Variants in ANK2 observed in about 807,000 individuals in gnomAD.
The protein encoded by ANK2 is ankyrin-2.
ANK2 carries 83 observed loss-of-function variants against 360.5 expected under a neutral mutation model. That is an observed-to-expected ratio of 0.23 (90% confidence interval 0.19 to 0.28). The LOEUF is 0.28. ANK2 is among the 10% of genes least tolerant of loss of function. The pLI is 1.00. For synonymous variants in ANK2, 1,740 were observed against 1,759.5 expected (o/e 0.99, Z 0.28); for missense variants, 4,201 against 4,795.7 (o/e 0.88, Z 3.66).
rs149283595 is a variant in ANK2, at chr4:113,146,070, T to C, written c.85-28346T>C. On this transcript the variant is annotated intron_variant, in intron 1 of 45. Transcript: ENST00000357077. The stretch of plus-strand genomic sequence containing the variant: ...GCATAAGAATCAACAGTAGACCTCA[T>C]TGGTCAGACCTCTAAACTTCCTGGA... 29 of 1,278,144 alleles carry C rather than the reference T, an allele frequency of 2.3e-5. 1 individual carries two copies. The East Asian group carries it at 1.5e-3, about 66-fold the overall frequency. 79.2% of individuals were successfully genotyped at this position (1,278,144 alleles called of 1,614,324 possible). A position where few individuals can be genotyped will look rare whatever the true frequency, so the allele number is the denominator to read the frequency against.
At chr4:113,266,579 A>C (rs2056143350) in intron 14 of ANK2, among the ~76,000 whole-genome samples, 1 of 152,214 alleles carries the variant, frequency 6.6e-6, no homozygotes, top group Non-Finnish European at 1.5e-5. Flanking sequence ...CTAACAGTGT[A>C]AAAGTGTTCC....
chr4:113,361,966 A>G (rs1052960628), intron 39 of ANK2, among the ~76,000 whole-genome samples: 5 of 152,192 alleles, frequency 3.3e-5, no homozygotes, highest in East Asian at 1.9e-4. Context: ...ACCTACTTCT[A>G]TCTTCTAGCC....
chr4:112,788,674 T>C, the ANK2 span: 264 of 1,600,824 alleles, frequency 1.6e-4, 1 homozygote, highest in Admixed American at 3.8e-4. Flanking sequence ...TTATAGAGGA[T>C]GGCTCTCTGC....
Position 112,850,668 on chromosome 4 carries a change from C to G in ANK2, c.-40+32404C>G, listed in dbSNP as rs189520714. Among the ~76,000 whole-genome samples, 937 of 151,210 alleles carry G rather than the reference C, an allele frequency of 6.2e-3. 3 individuals carry two copies. Among genetic ancestry groups the G allele is most frequent in the Non-Finnish European group, 9.7e-3 (656 of 67,792 alleles). ...AGTAGATGGGACTACAGGTGCCCAC[C>G]ACCACGCCCAGCTAATTTTTTGTAT... On this transcript the variant is annotated intron_variant, in intron 1 of 30. Coordinates refer to the ANK2 transcript ENST00000503271.
At chr4:113,370,056 A>T (rs1266330234) in intron 43 of ANK2, among the ~76,000 whole-genome samples, 2 of 152,206 alleles carry the variant, frequency 1.3e-5, no homozygotes, top group African/African-American at 2.4e-5. Context: ...GTCTTTTGCT[A>T]AGAAAAATGA....
chr4:112,975,187 G>A (rs1215032272), intron 2 of ANK2, among the ~76,000 whole-genome samples: 1 of 152,114 alleles, frequency 6.6e-6, no homozygotes, highest in Non-Finnish European at 1.5e-5. Context: ...GGAATATACT[G>A]CTTAGGAACT....
chr4:112,877,537 A>G (rs1223629049), intron 1 of ANK2, among the ~76,000 whole-genome samples: 1 of 152,188 alleles, frequency 6.6e-6, no homozygotes, highest in African/African-American at 2.4e-5. Context: ...TTTCTTGCTC[A>G]GTCAAGCTTC....
intron 26 of ANK2, among the ~76,000 whole-genome samples, chr4:113,324,979 T>C (rs2088944406): frequency 6.6e-6 from 1 of 152,192 alleles, no homozygotes; most frequent in South Asian, 2.1e-4. Context: ...ATGTACTGTT[T>C]AGCTAATCAA....
At chr4:113,342,823 T>C (rs1174207922) in intron 33 of ANK2, among the ~76,000 whole-genome samples, 194 bp from the exon 34 acceptor site, 1 of 152,222 alleles carries the variant, frequency 6.6e-6, no homozygotes, top group Admixed American at 6.5e-5. Context: ...GCATTAAAGA[T>C]TCCCATTACT....
At chr4:112,947,025 A>G (rs1474742633) in intron 2 of ANK2, among the ~76,000 whole-genome samples, 1 of 152,198 alleles carries the variant, frequency 6.6e-6, no homozygotes, top group Non-Finnish European at 1.5e-5. Context: ...TGATGCAGAA[A>G]CAACAAATCA....
At position 113,354,019 on chromosome 4, in the gene ANK2, A is replaced by G; in HGVS notation, c.5401A>G (p.Thr1801Ala). 6.2e-7 allele frequency: 1 copy of G among 1,614,056 alleles called. No individual in the cohort carries two copies. The highest frequency in any genetic ancestry group is 1.1e-5 in the South Asian group (1 of 91,086). The stretch of plus-strand genomic sequence containing the variant: ...AGGCAAGGAGGACGTGCCAAAAAAG[A>G]CCACCCACAGGCCACATCCAGCTGC... ...VKGKEDVPKK[T>A]THRPHPAASP... Residue 1801 changes from threonine to alanine, a missense_variant, in exon 38 of 46, where the codon ACC (threonine) becomes GCC (alanine). Transcript: ENST00000357077.
intron 2 of ANK2, among the ~76,000 whole-genome samples, chr4:113,041,630 C>T (rs1376627398): frequency 6.6e-6 from 1 of 152,152 alleles, no homozygotes; most frequent in Non-Finnish European, 1.5e-5. Flanking sequence ...GGCCATCTTA[C>T]TACATGGTTC....
At chr4:112,872,566 A>C (rs1014847337) in intron 1 of ANK2, among the ~76,000 whole-genome samples, 1 of 151,892 alleles carries the variant, frequency 6.6e-6, no homozygotes, top group African/African-American at 2.4e-5. Flanking sequence ...CGAACCCCCA[A>C]CCTCAGGTGA....
chr4:113,134,305 T>C (rs1468138874), intron 1 of ANK2, among the ~76,000 whole-genome samples: 6 of 103,452 alleles, frequency 5.8e-5, no homozygotes, highest in Admixed American at 3.4e-4. Flanking sequence ...TTTTTTTTTT[T>C]CTCACTGCAA....
At chr4:113,187,250 TA>T in intron 2 of ANK2, among the ~76,000 whole-genome samples, 1 of 152,100 alleles carries the variant, frequency 6.6e-6, no homozygotes, top group South Asian at 2.1e-4. Context: ...CTTTGAGGAA[TA>T]AAGGAAGACA....
the ANK2 span, among the ~76,000 whole-genome samples, chr4:112,753,974 T>G: frequency 1.3e-5 from 2 of 151,630 alleles, no homozygotes; most frequent in Non-Finnish European, 2.9e-5. Context: ...GGCACATGCC[T>G]GTAATCCCAG....
intron 2 of ANK2, among the ~76,000 whole-genome samples, chr4:113,019,049 A>G (rs1020692623): frequency 6.6e-6 from 1 of 152,154 alleles, no homozygotes; most frequent in African/African-American, 2.4e-5. Context: ...TAAGATTTTA[A>G]TGCTTTTATT....
the ANK2 span, among the ~76,000 whole-genome samples, chr4:112,779,710 C>G: frequency 1.3e-5 from 2 of 152,112 alleles, no homozygotes; most frequent in Non-Finnish European, 2.9e-5. Context: ...GTTTTATGGA[C>G]GCATTCACAC....
chr4:113,198,872 C>T (rs191138130), intron 3 of ANK2, 139 bp from the exon 4 acceptor site: 17 of 700,830 alleles, frequency 2.4e-5, no homozygotes, highest in Admixed American at 2.3e-4. Context: ...ATAATCTCTT[C>T]GTAAGTGGGC....
Sources: gnomAD v4.1 joint callset for allele counts (sites outside exome capture counted in the v4.1 genomes callset) on GRCh38, gnomAD v4.1.1 for gene constraint, MANE v1.5 for transcripts, NCBI Gene and HGNC (gene_info 2026-07-23, HGNC 2026-07-21) for gene names.